The following LUZP2 variants were observed in gnomAD, a reference collection of about 807,000 sequenced individuals.
LUZP2 encodes the protein leucine zipper protein 2.
LUZP2 carries 52 observed loss-of-function variants against 51.6 expected under a neutral mutation model. The observed-to-expected ratio is 1.01, with a 90% CI of 0.81 to 1.27. LUZP2 has a LOEUF of 1.27. LUZP2 is among the 50% of genes most tolerant of loss of function. LUZP2 has a pLI of 0.00. For missense variants in LUZP2, 436 were observed against 395.4 expected (o/e 1.10, Z -0.87); for synonymous variants, 154 against 137.3 (o/e 1.12, Z -0.85).
chr11:24,993,914 G>A (rs537945370), intron 9 of LUZP2, among the ~76,000 whole-genome samples: 12 of 152,168 alleles, frequency 7.9e-5, no homozygotes, highest in South Asian at 4.1e-4. Context: ...AGGCTGGAGT[G>A]CAGTGGTGCA....
rs371851806 is a variant in LUZP2, at chr11:24,991,618, A to G, written c.765+8325A>G. ...AATTGCTGGATCAAGTGATAGTTAT[A>G]CTTTTAGTTGTTTAAGGAATTTCCA... On this transcript the variant is annotated intron_variant, in intron 9 of 11. Transcript: ENST00000336930. 1.2e-3 allele frequency among the ~76,000 whole-genome samples: 188 copies of G among 151,912 alleles called. 4 individuals are homozygous for G. The South Asian group carries it at 0.037, about 30-fold the overall frequency.
At chr11:24,924,039 C>T (rs959329661) in intron 7 of LUZP2, among the ~76,000 whole-genome samples, 63 of 151,940 alleles carry the variant, frequency 4.1e-4, no homozygotes, top group African/African-American at 1.5e-3. Flanking sequence ...CAAAAGAATG[C>T]AACTGCTTGC....
At chr11:24,851,305 G>T (rs1851387147) in intron 5 of LUZP2, among the ~76,000 whole-genome samples, 1 of 152,046 alleles carries the variant, frequency 6.6e-6, no homozygotes, top group Admixed American at 6.6e-5. Flanking sequence ...CTAGTTTATT[G>T]AGAGTTTTTA....
chr11:24,637,149 A>G (rs922617302), intron 1 of LUZP2, among the ~76,000 whole-genome samples: 3 of 151,814 alleles, frequency 2.0e-5, no homozygotes, highest in African/African-American at 7.3e-5. Flanking sequence ...GAAATATAAA[A>G]GCATTATAAA....
intron 5 of LUZP2, among the ~76,000 whole-genome samples, chr11:24,903,259 C>T (rs1853334531): frequency 1.3e-5 from 2 of 152,042 alleles, no homozygotes; most frequent in African/African-American, 2.4e-5. Flanking sequence ...AATATTGTAC[C>T]TTGCATGATC....
chr11:24,961,294 G>A lies in LUZP2; in HGVS notation c.523-15297G>A, dbSNP rs186330420. ...GGTGCAGAGCTGAGTTCAATTCCTC[G>A]GTATTCTTGTTAACTTTTTGTCTTG... On this transcript the variant is annotated intron_variant, in intron 7 of 11. Coordinates refer to ENST00000336930, the MANE Select transcript of LUZP2 (RefSeq NM_001009909.4). 5.9e-4 allele frequency among the ~76,000 whole-genome samples: 90 copies of A among 152,140 alleles called. 1 individual carries two copies. Among genetic ancestry groups the A allele is most frequent in the Admixed American group, 1.2e-3 (18 of 15,272 alleles).
chr11:24,813,850 T>C (rs968527598), intron 5 of LUZP2, among the ~76,000 whole-genome samples: 4 of 152,224 alleles, frequency 2.6e-5, no homozygotes, highest in Admixed American at 6.5e-5. Flanking sequence ...TAGTGGTCAA[T>C]GATCCCACAA....
intron 1 of LUZP2, among the ~76,000 whole-genome samples, chr11:24,609,515 C>T (rs1854044856): frequency 6.6e-6 from 1 of 151,948 alleles, no homozygotes; most frequent in African/African-American, 2.4e-5. Flanking sequence ...CACCTGAGGT[C>T]AGGAGTTCAA....
intron 1 of LUZP2, among the ~76,000 whole-genome samples, chr11:24,620,785 G>C (rs1484149371): frequency 6.6e-6 from 1 of 152,176 alleles, no homozygotes; most frequent in Non-Finnish European, 1.5e-5. Context: ...TGGGAGTGGG[G>C]ATGTTGAATT....
At chr11:24,707,039 A>G (rs936487442) in intron 1 of LUZP2, among the ~76,000 whole-genome samples, 2 of 151,826 alleles carry the variant, frequency 1.3e-5, no homozygotes, top group African/African-American at 4.8e-5. Flanking sequence ...AGAGATGAAG[A>G]AAAGAGAGAA....
chr11:24,809,160 T>C (rs1849945091), intron 5 of LUZP2, among the ~76,000 whole-genome samples: 1 of 152,152 alleles, frequency 6.6e-6, no homozygotes, highest in Non-Finnish European at 1.5e-5. Flanking sequence ...AGCTGTATAA[T>C]TGATTAAATG....
At chr11:24,526,717 C>A (rs1850817779) in intron 1 of LUZP2, among the ~76,000 whole-genome samples, 1 of 151,158 alleles carries the variant, frequency 6.6e-6, no homozygotes. Flanking sequence ...TATTTAAGAA[C>A]CTGTCAAAAT....
chr11:24,890,830 T>C, intron 5 of LUZP2: 1 of 819,090 alleles, frequency 1.2e-6, no homozygotes, highest in Non-Finnish European at 1.5e-6. Context: ...AACAGAAATT[T>C]CTAAAATCAC....
At chr11:24,963,064 T>G (rs1855465503) in intron 7 of LUZP2, among the ~76,000 whole-genome samples, 3 of 152,162 alleles carry the variant, frequency 2.0e-5, no homozygotes, top group Admixed American at 2.0e-4. Context: ...GCAGCGGTGT[T>G]TGCAGAACAG....
At chr11:24,866,608 G>A (rs1851904869) in intron 5 of LUZP2, among the ~76,000 whole-genome samples, 1 of 152,036 alleles carries the variant, frequency 6.6e-6, no homozygotes, top group Non-Finnish European at 1.5e-5. Context: ...AATGTGCAAA[G>A]CACTATGCTA....
At chr11:24,864,008 G>A (rs1851815226) in intron 5 of LUZP2, among the ~76,000 whole-genome samples, 1 of 108,118 alleles carries the variant, frequency 9.2e-6, no homozygotes, top group Non-Finnish European at 2.0e-5. Flanking sequence ...AAAAATTACT[G>A]TACAATGGGT....
chr11:24,610,297 A>T (rs1470228321), intron 1 of LUZP2, among the ~76,000 whole-genome samples: 1 of 152,234 alleles, frequency 6.6e-6, no homozygotes, highest in Admixed American at 6.5e-5. Context: ...TATTTTAAAC[A>T]TCTAGGACTG....
intron 5 of LUZP2, among the ~76,000 whole-genome samples, chr11:24,861,708 A>G (rs113686801): frequency 9.8e-5 from 15 of 152,310 alleles, no homozygotes; most frequent in African/African-American, 3.4e-4. Context: ...TATTCAGTAC[A>G]GACATAATGC....
intron 3 of LUZP2, among the ~76,000 whole-genome samples, chr11:24,733,277 TGAAAA>T (rs1049490619): frequency 1.3e-5 from 2 of 151,846 alleles, no homozygotes; most frequent in African/African-American, 2.4e-5. Context: ...AAGAAAAACT[TGAAAA>T]GAGCAATCCG....
Sources: gnomAD v4.1 joint callset for allele counts (sites outside exome capture counted in the v4.1 genomes callset) on GRCh38, gnomAD v4.1.1 for gene constraint, MANE v1.5 for transcripts, NCBI Gene and HGNC (gene_info 2026-07-23, HGNC 2026-07-21) for gene names.